The following PTCHD1 variants were observed in gnomAD, a reference collection of about 807,000 sequenced individuals.
PTCHD1 encodes the protein patched domain-containing protein 1.
PTCHD1 carries 3 observed loss-of-function variants against 34.6 expected under a neutral mutation model. The ratio of observed to expected loss-of-function variants is 0.09; its 90% CI spans 0.04 to 0.22. The LOEUF (loss-of-function observed/expected upper bound fraction) is 0.22, where lower values mean the gene tolerates loss of function less well. PTCHD1 is among the 10% of genes least tolerant of loss of function. The probability of loss-of-function intolerance (pLI) is 1.00; values close to 1 mark genes in which losing one functional copy is unlikely to be tolerated. For missense variants in PTCHD1, 504 were observed against 685.5 expected (o/e 0.74, Z 2.96); for synonymous variants, 305 against 283.1 (o/e 1.08, Z -0.77).
At position 23,399,203 on chromosome X, in the gene PTCHD1, C is replaced by T. The variant is rs1470450681; in HGVS notation, c.*5018C>T. ...TTTTCACATGAGAAAACTGAACCCT[C>T]GAGTAATGAAATTATATTCACAGAG... On this transcript the variant is annotated 3_prime_UTR_variant, in exon 3 of 3. Transcript: ENST00000379361. 7 of 111,262 alleles carry T rather than the reference C, an allele frequency of 6.3e-5. No individual in the cohort carries two copies. Among genetic ancestry groups the T allele is most frequent in the African/African-American group, 1.6e-4 (5 of 30,557 alleles). The allele number at this position is 111,262 out of a possible 1,213,427, so 9.2% of individuals were successfully genotyped here. A position where few individuals can be genotyped will look rare whatever the true frequency, so the allele number is the denominator to read the frequency against.
intron 1 of PTCHD1, among the ~76,000 whole-genome samples, chrX:23,359,578 A>G (rs762713803): frequency 6.3e-4 from 70 of 111,954 alleles, no homozygotes; most frequent in Non-Finnish European, 1.1e-3. Context: ...TAAATATACA[A>G]CCATGTCATC....
chrX:23,350,577 T>C (rs1379692011), intron 1 of PTCHD1, among the ~76,000 whole-genome samples: 2 of 111,789 alleles, frequency 1.8e-5, no homozygotes, highest in Non-Finnish European at 3.8e-5. Context: ...AGGAGGCAGA[T>C]GGAAATTAAG....
intron 1 of PTCHD1, among the ~76,000 whole-genome samples, chrX:23,342,255 T>A (rs1921328292): frequency 1.1e-5 from 1 of 91,296 alleles, no homozygotes; most frequent in Admixed American, 1.2e-4. Flanking sequence ...TTTCATATGC[T>A]GTGTTTCTCC....
intron 1 of PTCHD1, among the ~76,000 whole-genome samples, chrX:23,352,797 C>A (rs947301652): frequency 8.9e-6 from 1 of 112,163 alleles, no homozygotes; most frequent in Non-Finnish European, 1.9e-5. Flanking sequence ...AGATTGGCAG[C>A]GTCAGTAGCA....
At chrX:23,346,028 A>G (rs1388814530) in intron 1 of PTCHD1, among the ~76,000 whole-genome samples, 1 of 111,461 alleles carries the variant, frequency 9.0e-6, no homozygotes, top group Admixed American at 9.5e-5. Flanking sequence ...CCCCCACAAT[A>G]CACACACACC....
At chrX:23,369,310 C>T (rs144010367) in intron 1 of PTCHD1, among the ~76,000 whole-genome samples, 140 of 111,432 alleles carry the variant, frequency 1.3e-3, no homozygotes, top group Non-Finnish European at 2.1e-3. Flanking sequence ...GTTTGACCCC[C>T]GACTTTGCTA....
rs1922871430 is a variant in PTCHD1, at chrX:23,392,808, C to T, written c.1290C>T (p.Tyr430=). 1 of 1,211,716 alleles carries T rather than the reference C, an allele frequency of 8.3e-7. No individual in the cohort carries two copies. Among genetic ancestry groups the T allele is most frequent in the East Asian group, 3.0e-5 (1 of 33,857 alleles). ...GTTCCAGCCTAGTGTTCACTGGCTA[C>T]ATAGAAAACAATTACCAGCATAGTA... is the stretch of plus-strand genomic sequence containing the variant. ...FYGSSLVFTG[Y]IENNYQHSIF... is the part of the protein sequence containing the mutation. Residue 430 remains tyrosine, a synonymous_variant, in exon 3 of 3, where the codon TAC becomes TAT. Coordinates refer to ENST00000379361, the MANE Select transcript of PTCHD1 (RefSeq NM_173495.3).
At position 23,380,185 on chromosome X, in the gene PTCHD1, G is replaced by A. The variant is rs2146642217; in HGVS notation, c.946G>A (p.Gly316Arg). ...AAGCCTGGCCACTCTCACTGCAGCC[G>A]GGATCATCAATCTTACTGGTGGGAA... is the stretch of plus-strand genomic sequence containing the variant. ...TISLATLTAAGIINLTGGKYN... is the reference protein window; with the variant it reads ...TISLATLTAARIINLTGGKYN... Residue 316 changes from glycine to arginine, a missense_variant, in exon 2 of 3, where the codon GGG (glycine) becomes AGG (arginine). Coordinates refer to ENST00000379361, the MANE Select transcript of PTCHD1 (RefSeq NM_173495.3). 8.3e-7 allele frequency: 1 copy of A among 1,211,021 alleles called. No homozygotes were observed.
chrX:23,390,702 A>G (rs1922807339), intron 2 of PTCHD1, among the ~76,000 whole-genome samples: 1 of 111,900 alleles, frequency 8.9e-6, no homozygotes, highest in Admixed American at 9.5e-5. Context: ...CCTCTGAGGA[A>G]ACAGGCCTAA....
At chrX:23,344,260 T>A (rs1921416984) in intron 1 of PTCHD1, among the ~76,000 whole-genome samples, 1 of 112,259 alleles carries the variant, frequency 8.9e-6, no homozygotes, top group African/African-American at 3.2e-5. Flanking sequence ...CTAACCTCCC[T>A]GAGAAACACG....
At chrX:23,377,161 G>A (rs1396412930) in intron 1 of PTCHD1, among the ~76,000 whole-genome samples, 1 of 111,865 alleles carries the variant, frequency 8.9e-6, no homozygotes, top group Non-Finnish European at 1.9e-5. Flanking sequence ...CATCTTATTT[G>A]GCAATCTTTT....
At chrX:23,351,397 T>C (rs893999108) in intron 1 of PTCHD1, 8 of 639,354 alleles carry the variant, frequency 1.3e-5, no homozygotes, top group African/African-American at 1.1e-4. Flanking sequence ...GTTTCTGAAA[T>C]GGTACGAAAA....
chrX:23,382,264 G>C (rs1377365539), intron 2 of PTCHD1, among the ~76,000 whole-genome samples: 2 of 112,279 alleles, frequency 1.8e-5, no homozygotes, highest in Non-Finnish European at 3.8e-5. Flanking sequence ...AATATTTAAA[G>C]TTTCTTCAAA....
Position 23,394,302 on chromosome X carries a change from CAAAAAA to C in PTCHD1, c.*134_*139del, listed in dbSNP as rs765690048. 24 of 52,312 alleles carry C rather than the reference CAAAAAA, an allele frequency of 4.6e-4. No individual in the cohort carries two copies. Among genetic ancestry groups the C allele is most frequent in the East Asian group, 1.0e-3 (3 of 2,894 alleles). 4.3% of individuals were successfully genotyped at this position (52,312 alleles called of 1,213,427 possible). On this transcript the variant is annotated 3_prime_UTR_variant, in exon 3 of 3. Coordinates refer to ENST00000379361, the MANE Select transcript of PTCHD1 (RefSeq NM_173495.3). ...TTTAAAGATAGGAAACAGGCATTGC[CAAAAAA>C]AAAAAAAAAAAAAAAAGGAAAGGAC...
chrX:23,366,709 A>C (rs766369286), intron 1 of PTCHD1, among the ~76,000 whole-genome samples: 4 of 111,794 alleles, frequency 3.6e-5, no homozygotes, highest in African/African-American at 9.8e-5. Flanking sequence ...AAGATTTTGT[A>C]GTTGTCTTGT....
chrX:23,355,944 C>G lies in PTCHD1; in HGVS notation c.351+20718C>G, dbSNP rs750103837. ...TTTTGTTTTTAAACTGCCACAGTAT[C>G]TTTACTTTTACAAACATAAAAGTAT... is the stretch of plus-strand genomic sequence containing the variant. On this transcript the variant is annotated intron_variant, in intron 1 of 2. Transcript: ENST00000379361. Among the ~76,000 whole-genome samples the G allele has an allele frequency of 2.7e-5, 3 of 112,723 alleles. No homozygotes were observed. The South Asian group carries it at 1.1e-3, about 41-fold the overall frequency.
chrX:23,360,606 G>C (rs909613273), intron 1 of PTCHD1, among the ~76,000 whole-genome samples: 1 of 111,335 alleles, frequency 9.0e-6, no homozygotes, highest in African/African-American at 3.3e-5. Context: ...CCAGCTCCTG[G>C]ATTCACTGAT....
intron 1 of PTCHD1, among the ~76,000 whole-genome samples, chrX:23,365,937 T>G (rs1258275205): frequency 8.9e-6 from 1 of 111,964 alleles, no homozygotes; most frequent in African/African-American, 3.2e-5. Context: ...ATACAGAAAA[T>G]TGAAAAGCCA....
At chrX:23,381,446 C>T (rs1457420697) in intron 2 of PTCHD1, among the ~76,000 whole-genome samples, 3 of 112,645 alleles carry the variant, frequency 2.7e-5, no homozygotes, top group Non-Finnish European at 5.6e-5. Context: ...ACTCACATGA[C>T]AAATGAAGTG....
Sources: allele counts gnomAD v4.1 joint callset (sites outside exome capture counted in the v4.1 genomes callset), GRCh38; gene constraint gnomAD v4.1.1; transcripts MANE v1.5; gene names NCBI Gene and HGNC (gene_info 2026-07-23, HGNC 2026-07-21).